Variants in RTTN observed in about 807,000 individuals in gnomAD.
The protein encoded by RTTN is rotatin.
In RTTN, 182 loss-of-function variants were observed where a neutral mutation model predicts 269.2. The observed-to-expected ratio is 0.68, with a 90% CI of 0.60 to 0.76. RTTN has a LOEUF of 0.76. RTTN is among the 30% of genes least tolerant of loss of function. The probability of loss-of-function intolerance (pLI) is 0.00; values close to 1 mark genes in which losing one functional copy is unlikely to be tolerated. For synonymous variants in RTTN, 1,006 were observed against 963.5 expected (o/e 1.04, Z -0.82); for missense variants, 2,545 against 2,608.6 (o/e 0.98, Z 0.53).
intron 46 of RTTN, among the ~76,000 whole-genome samples, chr18:70,010,084 A>G (rs1326690918): frequency 6.6e-6 from 1 of 152,230 alleles, no homozygotes; most frequent in East Asian, 1.9e-4. Flanking sequence ...CAGATTCATA[A>G]AGCAAGTTCT....
chr18:70,135,147 G>A (rs776036443), intron 22 of RTTN, 37 bp downstream of exon 22: 1 of 1,166,252 alleles, frequency 8.6e-7, no homozygotes, highest in Non-Finnish European at 1.2e-6. Flanking sequence ...GAGATAAATA[G>A]TTAAGAGTAA....
chr18:70,029,980 T>A (rs774922618), intron 42 of RTTN, 32 bp downstream of exon 42: 9 of 1,473,144 alleles, frequency 6.1e-6, no homozygotes, highest in Non-Finnish European at 8.5e-6. Flanking sequence ...ATGGTCTCTA[T>A]ATATAGCCAT....
chr18:70,059,813 CA>C, intron 36 of RTTN, 36 bp downstream of exon 36: 1 of 1,378,434 alleles, frequency 7.3e-7, no homozygotes, highest in Non-Finnish European at 9.8e-7. Context: ...AAATTTATCT[CA>C]ACTAACATGC....
intron 1 of RTTN, 65 bp from the exon 2 acceptor site, chr18:70,205,380 G>A: frequency 6.3e-7 from 1 of 1,581,116 alleles, no homozygotes; most frequent in Non-Finnish European, 8.6e-7. Context: ...TATTTATGCT[G>A]TGGGCAGGAG....
In RTTN at chr18:70,024,863, G is replaced by T; in HGVS notation, c.5824-15C>A. 1 of 1,608,448 alleles carries T rather than the reference G, an allele frequency of 6.2e-7. No individual in the cohort carries two copies. The highest frequency in any genetic ancestry group is 1.1e-5 in the South Asian group (1 of 89,826). ...AGAGCTGCTTCCTGTTGAAGGAAGG[G>T]AAAAAGACAGCATTAGTCTGAATAT... On this transcript the variant is annotated splice_polypyrimidine_tract_variant and intron_variant, in intron 43 of 48. Transcript: ENST00000640769.
intron 12 of RTTN, among the ~76,000 whole-genome samples, chr18:70,168,000 T>C (rs1300606088): frequency 6.6e-6 from 1 of 151,450 alleles, no homozygotes; most frequent in Non-Finnish European, 1.5e-5. Flanking sequence ...ATTTAAATAT[T>C]AGCCAGGTGT....
At chr18:70,009,019 T>G (rs2056286411) in intron 46 of RTTN, 2 of 152,176 alleles carry the variant, frequency 1.3e-5, no homozygotes, top group Admixed American at 1.3e-4. Flanking sequence ...GAGAGAAAGG[T>G]CGGGTTACCC....
intron 28 of RTTN, among the ~76,000 whole-genome samples, chr18:70,109,157 T>C (rs2059396657): frequency 1.3e-5 from 2 of 152,122 alleles, no homozygotes; most frequent in African/African-American, 4.8e-5. Flanking sequence ...GGACCAGAAG[T>C]GTTTGAATTT....
intron 10 of RTTN, among the ~76,000 whole-genome samples, chr18:70,183,755 A>C (rs1010856102): frequency 1.3e-5 from 2 of 152,136 alleles, no homozygotes; most frequent in Admixed American, 6.5e-5. Flanking sequence ...ATTACCCCCC[A>C]GTTGAAAACC....
chr18:70,081,574 G>A (rs1568346812), intron 32 of RTTN, among the ~76,000 whole-genome samples: 2 of 152,018 alleles, frequency 1.3e-5, no homozygotes, highest in African/African-American at 4.8e-5. Context: ...CCAAAAATGC[G>A]TAACTCAAAT....
intron 32 of RTTN, among the ~76,000 whole-genome samples, chr18:70,080,843 T>C (rs1270521957): frequency 6.6e-6 from 1 of 152,052 alleles, no homozygotes; most frequent in Non-Finnish European, 1.5e-5. Flanking sequence ...CACATGTTTA[T>C]AGCAGCACAA....
chr18:70,025,992 T>C (rs770852464), intron 43 of RTTN, among the ~76,000 whole-genome samples: 1 of 152,214 alleles, frequency 6.6e-6, no homozygotes, highest in Non-Finnish European at 1.5e-5. Flanking sequence ...AGTTTACGTG[T>C]TAAGAGAAAC....
chr18:70,042,665 G>A lies in RTTN; in HGVS notation c.5541+5306C>T, dbSNP rs557458652. On this transcript the variant is annotated intron_variant, in intron 40 of 48. Transcript: ENST00000640769. ...TGCTGGGATTACAGGCATGAGCACCGCGCCCAGCCAAGGCTTCAGAATTCT... is the reference window on the plus strand; with the variant it reads ...TGCTGGGATTACAGGCATGAGCACCACGCCCAGCCAAGGCTTCAGAATTCT... 2.6e-5 allele frequency among the ~76,000 whole-genome samples: 4 copies of A among 152,228 alleles called. No homozygotes were observed. In the South Asian group the frequency reaches 8.3e-4, roughly 32 times the overall value.
At chr18:70,054,305 G>A in intron 37 of RTTN, 21 bp from the exon 38 acceptor site, 2 of 1,586,500 alleles carry the variant, frequency 1.3e-6, no homozygotes, top group Non-Finnish European at 1.7e-6. Context: ...AGGAGACAGG[G>A]TCAAATCAAA....
intron 46 of RTTN, among the ~76,000 whole-genome samples, chr18:70,009,698 T>A (rs1202851400): frequency 6.6e-6 from 1 of 152,160 alleles, no homozygotes; most frequent in African/African-American, 2.4e-5. Context: ...CCAGCTAGCA[T>A]CATAATGACA....
rs1164221640 is a variant in RTTN, at chr18:70,086,658, AAGG to A, written c.4326_4328del (p.Leu1443del). On this transcript the variant is annotated inframe_deletion, in exon 32 of 49. Coordinates refer to ENST00000640769, the MANE Select transcript of RTTN (RefSeq NM_173630.4). The stretch of plus-strand genomic sequence containing the variant: ...TAATTTCTGTAGGCATTGGAATTAC[AAGG>A]AGATTCTGAAGAATAAATGCCGCCT... 2.0e-6 allele frequency: 3 copies of A among 1,515,140 alleles called. No homozygotes were observed. The highest frequency in any genetic ancestry group is 5.1e-5 in the East Asian group (2 of 38,846). The allele number at this position is 1,515,140 out of a possible 1,614,324, so 93.9% of individuals were successfully genotyped here. A position where few individuals can be genotyped will look rare whatever the true frequency, so the allele number is the denominator to read the frequency against.
chr18:70,177,033 T>C (rs1351550492), intron 10 of RTTN, among the ~76,000 whole-genome samples, 188 bp from the exon 11 acceptor site: 2 of 152,236 alleles, frequency 1.3e-5, no homozygotes, highest in African/African-American at 4.8e-5. Context: ...AAAAGAATGA[T>C]AAACCACCTA....
intron 46 of RTTN, among the ~76,000 whole-genome samples, chr18:70,015,574 C>A (rs1381769296): frequency 6.6e-6 from 1 of 152,144 alleles, no homozygotes; most frequent in Non-Finnish European, 1.5e-5. Context: ...AGAAACTGCA[C>A]AGCTGATGTC....
chr18:70,081,725 G>A (rs1170631707), intron 32 of RTTN, among the ~76,000 whole-genome samples: 1 of 152,088 alleles, frequency 6.6e-6, no homozygotes, highest in African/African-American at 2.4e-5. Flanking sequence ...TGTAAGACAA[G>A]TATATGCAAT....
Sources: gnomAD v4.1 joint callset for allele counts (sites outside exome capture counted in the v4.1 genomes callset) on GRCh38, gnomAD v4.1.1 for gene constraint, MANE v1.5 for transcripts, NCBI Gene and HGNC (gene_info 2026-07-23, HGNC 2026-07-21) for gene names.